The following PLCB1 variants were observed in gnomAD, a reference collection of about 807,000 sequenced individuals.
The protein encoded by PLCB1 is phospholipase C beta 1, also known as 1-phosphatidylinositol 4,5-bisphosphate phosphodiesterase beta-1.
In PLCB1, 46 loss-of-function variants were observed where a neutral mutation model predicts 161.8. That is an observed-to-expected ratio of 0.28 (90% CI 0.22 to 0.36). The LOEUF (loss-of-function observed/expected upper bound fraction) is 0.36, where lower values mean the gene tolerates loss of function less well. Among genes scored for constraint, PLCB1 ranks in the 10% least tolerant of loss-of-function variants. The pLI is 1.00. For synonymous variants in PLCB1, 517 were observed against 503.7 expected, an observed-to-expected ratio of 1.03 and a Z score of -0.35; for missense variants, 1,016 against 1,472.5, an observed-to-expected ratio of 0.69 and a Z score of 5.07.
intron 3 of PLCB1, among the ~76,000 whole-genome samples, chr20:8,445,307 T>G (rs1232739): frequency 0.059 from 8,910 of 152,214 alleles, 396 homozygotes; most frequent in Middle Eastern, 0.12. Context: ...ATAGGGAATC[T>G]TTTCCCCATT....
In PLCB1 at chr20:8,789,575, G is replaced by A. The variant is rs771734537; in HGVS notation, c.3336G>A (p.Arg1112=). 1.9e-6 allele frequency: 3 copies of A among 1,605,758 alleles called. No individual in the cohort carries two copies. Among genetic ancestry groups the A allele is most frequent in the African/African-American group, 1.3e-5 (1 of 74,864 alleles). ...YIQEVVQYIK[R]LEEAQSKRQE... is the part of the protein sequence containing the mutation. Reference sequence around the variant, plus strand: ...AGGAAGTGGTGCAGTATATCAAGAGGGTATGTGGGCTCATCACGCTCTCTC... The same window carrying A: ...AGGAAGTGGTGCAGTATATCAAGAGAGTATGTGGGCTCATCACGCTCTCTC... Residue 1112 remains arginine (R), a splice_region_variant and synonymous_variant, in exon 30 of 32, where the codon AGG becomes AGA. Coordinates refer to ENST00000338037, the MANE Select transcript of PLCB1 (RefSeq NM_015192.4).
In PLCB1 at chr20:8,520,183, G is replaced by A. The variant is rs533649654; in HGVS notation, c.247-108111G>A. ...CTTCCTAGCTTTTTAACTTACAGAA[G>A]CAGCACTGTTGGAAAGCTCTTGGTA... On this transcript the variant is annotated intron_variant, in intron 3 of 31. Transcript: ENST00000338037. 2.0e-5 allele frequency among the ~76,000 whole-genome samples: 3 copies of A among 152,270 alleles called. No homozygotes were observed. In the South Asian group the frequency reaches 6.2e-4, roughly 32 times the overall value.
intron 2 of PLCB1, among the ~76,000 whole-genome samples, chr20:8,236,896 A>T (rs1419607763): frequency 2.0e-5 from 3 of 152,206 alleles, no homozygotes; most frequent in East Asian, 3.9e-4. Context: ...TTCAGCAATA[A>T]TCAAAGAAAT....
intron 2 of PLCB1, among the ~76,000 whole-genome samples, chr20:8,257,944 A>G (rs543117994): frequency 1.3e-5 from 2 of 152,298 alleles, no homozygotes; most frequent in East Asian, 3.9e-4. Flanking sequence ...CTTAAAGGTC[A>G]TTCAGAATGT....
chr20:8,157,837 T>C (rs1162244972), intron 2 of PLCB1, among the ~76,000 whole-genome samples: 3 of 152,178 alleles, frequency 2.0e-5, no homozygotes, highest in Non-Finnish European at 2.9e-5. Context: ...TAGAAATGCA[T>C]TAGTATAATT....
chr20:8,441,302 A>C (rs1229347052), intron 3 of PLCB1, among the ~76,000 whole-genome samples: 1 of 152,194 alleles, frequency 6.6e-6, no homozygotes, highest in Non-Finnish European at 1.5e-5. Context: ...TACCGACCAT[A>C]ATAGGATACT....
At chr20:8,643,680 G>A (rs1428716763) in intron 4 of PLCB1, among the ~76,000 whole-genome samples, 7 of 151,946 alleles carry the variant, frequency 4.6e-5, no homozygotes, top group East Asian at 1.9e-4. Context: ...ACGAGGTCGG[G>A]AGATCGAGAC....
intron 23 of PLCB1, among the ~76,000 whole-genome samples, chr20:8,742,708 T>C (rs1980947081): frequency 6.6e-6 from 1 of 152,116 alleles, no homozygotes; most frequent in Admixed American, 6.5e-5. Context: ...TTAAATATTC[T>C]TCTATGACAT....
intron 3 of PLCB1, among the ~76,000 whole-genome samples, chr20:8,498,417 C>A (rs939187510): frequency 6.6e-6 from 1 of 152,146 alleles, no homozygotes; most frequent in African/African-American, 2.4e-5. Context: ...TTTTATTTAA[C>A]CTTCAAATAA....
At chr20:8,140,667 A>G (rs1248244875) in intron 1 of PLCB1, among the ~76,000 whole-genome samples, 2 of 152,222 alleles carry the variant, frequency 1.3e-5, no homozygotes, top group South Asian at 4.1e-4. Flanking sequence ...CGAAGGGCAC[A>G]TAACTAAGTA....
intron 3 of PLCB1, among the ~76,000 whole-genome samples, chr20:8,614,165 T>C (rs1421875214): frequency 3.3e-5 from 5 of 152,038 alleles, no homozygotes; most frequent in African/African-American, 9.7e-5. Context: ...TAACAAGATA[T>C]TCTATTATTT....
chr20:8,879,197 A>G (rs535302410), intron 31 of PLCB1, among the ~76,000 whole-genome samples: 1 of 152,140 alleles, frequency 6.6e-6, no homozygotes, highest in South Asian at 2.1e-4. Context: ...TTCTTTATCC[A>G]GTCCACCATT....
At chr20:8,134,033 C>T (rs971495433) in intron 1 of PLCB1, among the ~76,000 whole-genome samples, 2 of 152,232 alleles carry the variant, frequency 1.3e-5, no homozygotes, top group South Asian at 2.1e-4. Flanking sequence ...GTATGAACCA[C>T]AGCTTCCTTG....
At chr20:8,390,253 C>T (rs1239643772) in intron 3 of PLCB1, among the ~76,000 whole-genome samples, 1 of 152,128 alleles carries the variant, frequency 6.6e-6, no homozygotes, top group Admixed American at 6.6e-5. Context: ...GGCCTTTCTC[C>T]TCGGCTTACA....
At chr20:8,305,708 C>T (rs1204121177) in intron 2 of PLCB1, 1 of 152,174 alleles carries the variant, frequency 6.6e-6, no homozygotes, top group Admixed American at 6.5e-5. Context: ...GGCTAAACAT[C>T]CACAAGGTTA....
At chr20:8,429,133 C>T (rs1979921725) in intron 3 of PLCB1, among the ~76,000 whole-genome samples, 1 of 152,152 alleles carries the variant, frequency 6.6e-6, no homozygotes, top group African/African-American at 2.4e-5. Flanking sequence ...TAGGAACAGG[C>T]TCGTGGGAGA....
At chr20:8,847,503 T>C (rs1986730447) in intron 31 of PLCB1, among the ~76,000 whole-genome samples, 1 of 152,306 alleles carries the variant, frequency 6.6e-6, no homozygotes, top group East Asian at 1.9e-4. Flanking sequence ...AAGGGAATTT[T>C]GGTATCTTGT....
At chr20:8,238,480 A>G (rs1980436321) in intron 2 of PLCB1, among the ~76,000 whole-genome samples, 1 of 151,998 alleles carries the variant, frequency 6.6e-6, no homozygotes, top group Non-Finnish European at 1.5e-5. Flanking sequence ...CATAAACTAC[A>G]TTATGAACAA....
chr20:8,731,332 G>A (rs1980233775), intron 18 of PLCB1, among the ~76,000 whole-genome samples: 3 of 151,812 alleles, frequency 2.0e-5, no homozygotes, highest in Middle Eastern at 3.4e-3. Context: ...AGAAACAATC[G>A]AATTGCTGTC....
Sources: allele counts gnomAD v4.1 joint callset (sites outside exome capture counted in the v4.1 genomes callset), GRCh38; gene constraint gnomAD v4.1.1; transcripts MANE v1.5; gene names NCBI Gene and HGNC (gene_info 2026-07-23, HGNC 2026-07-21).